Variants in BFSP1 observed in about 807,000 individuals in gnomAD.
BFSP1 encodes beaded filament structural protein 1.
In BFSP1, 38 loss-of-function variants were observed where a neutral mutation model predicts 43.9. That is an observed-to-expected ratio of 0.87 (90% CI 0.67 to 1.14). The LOEUF (loss-of-function observed/expected upper bound fraction) is 1.14, where lower values mean the gene tolerates loss of function less well. BFSP1 is among the 50% of genes most tolerant of loss of function. The pLI is 0.00. For synonymous variants in BFSP1, 352 were observed against 354.8 expected, an observed-to-expected ratio of 0.99 and a Z score of 0.09; for missense variants, 850 against 875.1, an observed-to-expected ratio of 0.97 and a Z score of 0.36.
rs113811023 is a variant in BFSP1 at position 17,503,606 on chromosome 20, C to G, written c.736-4566G>C. Among the ~76,000 whole-genome samples, 535 of 152,278 alleles carry G rather than the reference C, an allele frequency of 3.5e-3. 3 individuals are homozygous for G. Among genetic ancestry groups the G allele is most frequent in the African/African-American group, 0.012 (492 of 41,528 alleles). On this transcript the variant is annotated intron_variant, in intron 5 of 7. Coordinates refer to ENST00000377873, the MANE Select transcript of BFSP1 (RefSeq NM_001195.5). ...TGGGGCACACTGGCAAAGTGGCTTGCCCATAAATACCACAGCAGGATTCGA... is the reference window on the plus strand; with the variant it reads ...TGGGGCACACTGGCAAAGTGGCTTGGCCATAAATACCACAGCAGGATTCGA...
chr20:17,497,530 G>T (rs1226169043), intron 6 of BFSP1, among the ~76,000 whole-genome samples: 1 of 137,304 alleles, frequency 7.3e-6, no homozygotes, highest in African/African-American at 2.8e-5. Flanking sequence ...ATACACACAC[G>T]TATGTATATA....
Position 17,525,847 on chromosome 20 carries a change from G to C in BFSP1, c.378-939C>G, listed in dbSNP as rs1180728670. Among the ~76,000 whole-genome samples, 1 of 152,124 alleles carries C rather than the reference G, an allele frequency of 6.6e-6. No homozygotes were observed. The highest frequency in any genetic ancestry group is 1.9e-4 in the East Asian group (1 of 5,190). On this transcript the variant is annotated intron_variant, in intron 1 of 7. Transcript: ENST00000377873. This position sits in a 1 kb window ranked among gnomAD's most constrained non-coding sequence, Gnocchi z 4.2. The stretch of plus-strand genomic sequence containing the variant: ...CAGCCAGGTGTGGCCATGTGACTAA[G>C]TCCTGACCAATGGGATGGAAGCATA...
At chr20:17,503,259 G>T (rs545464448) in intron 5 of BFSP1, among the ~76,000 whole-genome samples, 17 of 152,280 alleles carry the variant, frequency 1.1e-4, no homozygotes, top group African/African-American at 4.1e-4. Context: ...TGAACTTCTG[G>T]GCTGAAGTGA....
chr20:17,532,417 A>AG (rs1325433069), upstream of BFSP1, among the ~76,000 whole-genome samples: 5 of 151,446 alleles, frequency 3.3e-5, no homozygotes, highest in Admixed American at 6.6e-5. Flanking sequence ...AAAAAAAAAA[A>AG]AAAAGAAAAA....
At chr20:17,556,599 C>A (rs909529348) in intron 1 of BFSP1, among the ~76,000 whole-genome samples, 1 of 152,006 alleles carries the variant, frequency 6.6e-6, no homozygotes, top group Non-Finnish European at 1.5e-5. Flanking sequence ...TGTAAATAAG[C>A]AAAACCTGGA....
intron 1 of BFSP1, among the ~76,000 whole-genome samples, chr20:17,553,776 C>CATATATATATATATATATATAT (rs1204969085): frequency 1.0e-4 from 11 of 106,212 alleles, no homozygotes; most frequent in African/African-American, 3.3e-4. Flanking sequence ...AATATATAAA[C>CATATATATATATATATATATAT]ATATATATAT....
chr20:17,558,008 A>G (rs1212033691), intron 1 of BFSP1, among the ~76,000 whole-genome samples: 1 of 152,190 alleles, frequency 6.6e-6, no homozygotes, highest in African/African-American at 2.4e-5. Flanking sequence ...TCGACTCAGG[A>G]GGACCCCAGC....
Position 17,494,177 on chromosome 20 carries a change from GA to G in BFSP1, c.1894del (p.Ser632ProfsTer13), listed in dbSNP as rs1158957962. On this transcript the variant is annotated frameshift_variant, in exon 8 of 8. Transcript: ENST00000377873. LOFTEE classifies it high-confidence loss of function. The part of the protein sequence containing the change: ...VEVVESIEKI[S>X]TESIQTYEET... ...TTCATATGTCTGAATGCTCTCCGTG[GA>G]AATCTTCTCGATAGATTCCACCACT... The G allele has an allele frequency of 6.2e-7, 1 of 1,614,000 alleles. No individual in the cohort carries two copies. The highest frequency in any genetic ancestry group is 8.5e-7 in the Non-Finnish European group (1 of 1,180,050).
intron 1 of BFSP1, among the ~76,000 whole-genome samples, chr20:17,529,011 T>C (rs999611792): frequency 2.7e-4 from 41 of 152,194 alleles, no homozygotes; most frequent in African/African-American, 9.2e-4. Context: ...CATCTGTATT[T>C]TAAAATTCAT....
chr20:17,509,835 G>C (rs1287543746), intron 4 of BFSP1, among the ~76,000 whole-genome samples: 1 of 152,154 alleles, frequency 6.6e-6, no homozygotes, highest in Non-Finnish European at 1.5e-5. Context: ...CCTCTCTCCT[G>C]ACCTGCCTTT....
intron 5 of BFSP1, among the ~76,000 whole-genome samples, 172 bp downstream of exon 5, chr20:17,508,717 C>A (rs1194152729): frequency 2.0e-5 from 3 of 152,148 alleles, no homozygotes; most frequent in African/African-American, 7.2e-5. Flanking sequence ...ACTCCTCAGT[C>A]CAGGCCAGAG....
At chr20:17,566,577 G>A (rs1292619748) in intron 1 of BFSP1, among the ~76,000 whole-genome samples, 2 of 152,174 alleles carry the variant, frequency 1.3e-5, no homozygotes, top group Non-Finnish European at 1.5e-5. Context: ...TTCAGTGTCT[G>A]GTGAGAGCCC....
chr20:17,552,207 A>G (rs2034906325), intron 1 of BFSP1, among the ~76,000 whole-genome samples: 1 of 152,172 alleles, frequency 6.6e-6, no homozygotes. Context: ...CTCACTGAGG[A>G]GGTTACATCT....
upstream of BFSP1, among the ~76,000 whole-genome samples, chr20:17,562,582 G>A (rs1461999646): frequency 6.4e-5 from 9 of 141,102 alleles, no homozygotes; most frequent in African/African-American, 2.4e-4. Flanking sequence ...TATGGCCTAA[G>A]AGGGACTAAG....
At chr20:17,544,322 A>G (rs2034767118) in intron 1 of BFSP1, among the ~76,000 whole-genome samples, 1 of 152,192 alleles carries the variant, frequency 6.6e-6, no homozygotes. Context: ...CTCCCTACAC[A>G]GCCCCAACTC....
Position 17,514,728 on chromosome 20 carries a change from T to C in BFSP1, c.527A>G (p.His176Arg). ...QDDISAAKDR[H>R]KKNLLEVQTY... is the part of the protein sequence containing the mutation. ...TCAAGGGGTCATGATTACCTTCTTGTGCCTGTCCTTTGCCGCACTGATATC... is the reference window on the plus strand; with the variant it reads ...TCAAGGGGTCATGATTACCTTCTTGCGCCTGTCCTTTGCCGCACTGATATC... Residue 176 changes from histidine (H) to arginine (R), a missense_variant, in exon 3 of 8, where the codon CAC (histidine) becomes CGC (arginine). His to Arg is a conservative substitution (Grantham distance 29, BLOSUM62 0). Transcript: ENST00000377873. 2 of 1,613,990 alleles carry C rather than the reference T, an allele frequency of 1.2e-6. No homozygotes were observed. The highest frequency in any genetic ancestry group is 1.7e-6 in the Non-Finnish European group (2 of 1,179,862).
chr20:17,561,240 T>G (rs1220887790), upstream of BFSP1, among the ~76,000 whole-genome samples: 2 of 152,246 alleles, frequency 1.3e-5, no homozygotes, highest in Non-Finnish European at 2.9e-5. Context: ...GGCTCATGCC[T>G]GTAATCCCAG....
intron 2 of BFSP1, among the ~76,000 whole-genome samples, chr20:17,515,185 T>C (rs909350861): frequency 3.3e-5 from 5 of 152,152 alleles, no homozygotes; most frequent in African/African-American, 7.2e-5. Flanking sequence ...CCCACAACCC[T>C]GCACACAAGG....
chr20:17,511,690 G>A (rs2034083311), intron 4 of BFSP1, among the ~76,000 whole-genome samples: 3 of 152,184 alleles, frequency 2.0e-5, no homozygotes, highest in African/African-American at 7.2e-5. Flanking sequence ...AAGCAGCTTG[G>A]TCATTTCTTA....
Sources: allele counts gnomAD v4.1 joint callset (sites outside exome capture counted in the v4.1 genomes callset), GRCh38; gene constraint gnomAD v4.1.1; non-coding constraint Gnocchi (gnomAD v3.1); transcripts MANE v1.5; gene names NCBI Gene and HGNC (gene_info 2026-07-23, HGNC 2026-07-21).